Variants in AP3D1 observed in about 807,000 individuals in gnomAD.
AP3D1 encodes adaptor related protein complex 3 subunit delta 1.
A neutral mutation model predicts 147.6 loss-of-function variants in AP3D1; 51 were observed. The ratio of observed to expected loss-of-function variants is 0.35; its 90% CI spans 0.28 to 0.44. The LOEUF is 0.44. Ranked by LOEUF, AP3D1 falls within the 20% of genes least tolerant of loss-of-function variation. The pLI is 1.00. For missense variants in AP3D1, 1,421 were observed against 1,624.2 expected (o/e 0.87, Z 2.15); for synonymous variants, 760 against 663.0 (o/e 1.15, Z -2.25).
Position 2,110,906 on chromosome 19 carries a change from AT to A in AP3D1, c.2986-11del, listed in dbSNP as rs1568276765. The A allele has an allele frequency of 6.2e-7, 1 of 1,611,858 alleles. No individual in the cohort carries two copies. The highest frequency in any genetic ancestry group is 8.5e-7 in the Non-Finnish European group (1 of 1,179,500). On this transcript the variant is annotated splice_polypyrimidine_tract_variant and intron_variant, in intron 26 of 31. Coordinates refer to ENST00000643116, the MANE Select transcript of AP3D1 (RefSeq NM_001261826.3). ...CCCGGATGTCACAGGTCTGCAGGGC[AT>A]GGCCAGTGTTAGCAGGGCAGGCGGG...
Position 2,123,819 on chromosome 19 carries a change from G to A in AP3D1, c.906+11C>T, listed in dbSNP as rs2018676655. The A allele has an allele frequency of 1.3e-6, 2 of 1,566,744 alleles. No individual in the cohort carries two copies. The highest frequency in any genetic ancestry group is 1.7e-6 in the Non-Finnish European group (2 of 1,156,154). On this transcript the variant is annotated intron_variant, in intron 10 of 31. Transcript: ENST00000643116. Reference sequence around the variant, plus strand: ...TGGGACCCCATGGGCCCCGCCCAGTGCGGGACGTACCTGGATGCTGGCGCT... The same window carrying A: ...TGGGACCCCATGGGCCCCGCCCAGTACGGGACGTACCTGGATGCTGGCGCT...
At chr19:2,109,681 G>C (rs1217044115) in intron 29 of AP3D1, 192 bp downstream of exon 29, 3 of 605,438 alleles carry the variant, frequency 5.0e-6, no homozygotes, top group Non-Finnish European at 8.9e-6. Flanking sequence ...TGCCTGGCCT[G>C]TGGCTTCAAC....
chr19:2,127,269 C>T (rs774223029), intron 8 of AP3D1, 68 bp from the exon 9 acceptor site: 32 of 1,561,788 alleles, frequency 2.0e-5, no homozygotes, highest in Middle Eastern at 1.7e-4. Context: ...GACCCAGTGC[C>T]GGCAGCTCAG....
Position 2,151,555 on chromosome 19 carries a change from C to T in AP3D1, c.-221G>A, listed in dbSNP as rs898075091. The T allele has an allele frequency of 1.3e-5, 2 of 159,832 alleles. No homozygotes were observed. Among genetic ancestry groups the T allele is most frequent in the East Asian group, 1.9e-4 (1 of 5,348 alleles). The allele number at this position is 159,832 out of a possible 1,614,324, so 9.9% of individuals were successfully genotyped here. ...CTCCGGGCCCCTTGCAAATGGCGGA[C>T]AAGATGGCGGCGGGTCAGCTGACGA... On this transcript the variant is annotated 5_prime_UTR_variant, in exon 1 of 32. Transcript: ENST00000643116.
chr19:2,148,212 G>A (rs1242611190), intron 1 of AP3D1, among the ~76,000 whole-genome samples: 1 of 151,768 alleles, frequency 6.6e-6, no homozygotes, highest in African/African-American at 2.4e-5. Context: ...AAAAGGACTT[G>A]TGAGAACAAA....
At chr19:2,146,940 G>A (rs1216282088) in intron 1 of AP3D1, among the ~76,000 whole-genome samples, 2 of 152,224 alleles carry the variant, frequency 1.3e-5, no homozygotes, top group Non-Finnish European at 2.9e-5. Flanking sequence ...TCAGCACCCT[G>A]TAGTGCCCAG....
chr19:2,129,065 C>T (rs1568295364), intron 8 of AP3D1, 25 bp downstream of exon 8: 1 of 1,549,886 alleles, frequency 6.5e-7, no homozygotes, highest in Non-Finnish European at 8.7e-7. Flanking sequence ...CCGGCCCGCC[C>T]CCACCGCGCA....
At chr19:2,164,248 T>C in intron 1 of AP3D1, 1 of 1,279,422 alleles carries the variant, frequency 7.8e-7, no homozygotes, top group Non-Finnish European at 9.9e-7. Context: ...CGTCTACCCG[T>C]GGCCGCTGCC....
At position 2,110,903 on chromosome 19, in the gene AP3D1, G is replaced by C. The variant is rs371989768; in HGVS notation, c.2986-7C>G. 3 of 1,612,052 alleles carry C rather than the reference G, an allele frequency of 1.9e-6. No homozygotes were observed. Among genetic ancestry groups the C allele is most frequent in the Non-Finnish European group, 2.5e-6 (3 of 1,179,600 alleles). The stretch of plus-strand genomic sequence containing the variant: ...TGCCCCGGATGTCACAGGTCTGCAG[G>C]GCATGGCCAGTGTTAGCAGGGCAGG... On this transcript the variant is annotated splice_region_variant and splice_polypyrimidine_tract_variant and intron_variant, in intron 26 of 31. Coordinates refer to ENST00000643116, the MANE Select transcript of AP3D1 (RefSeq NM_001261826.3).
At chr19:2,155,061 T>A (rs2019633973), upstream of AP3D1, among the ~76,000 whole-genome samples, 3 of 152,156 alleles carry the variant, frequency 2.0e-5, no homozygotes, top group Middle Eastern at 6.8e-3. Context: ...GCACCTGTAA[T>A]CCCAGCTACT....
In AP3D1 at chr19:2,114,288, C is replaced by G. The variant is rs759230033; in HGVS notation, c.2438G>C (p.Ser813Thr). ...DIDLDKPLAD[S>T]EKLPIQKHRN... ...GTGTTTCTGAATAGGCAGTTTCTCG[C>G]TGTCGGCTAAGGGCCTGGAGGAGGA... Residue 813 changes from serine to threonine, a missense_variant, in exon 22 of 32, where the codon AGC becomes ACC. Ser to Thr is a moderately conservative substitution (Grantham distance 58, BLOSUM62 1). Around this residue, in one of 6 missense-constraint regions of AP3D1, gnomAD observed 791 missense variants for 761.4 expected, o/e 1.04. Coordinates refer to ENST00000643116, the MANE Select transcript of AP3D1 (RefSeq NM_001261826.3). The G allele has an allele frequency of 6.2e-7, 1 of 1,611,608 alleles. No homozygotes were observed. Among genetic ancestry groups the G allele is most frequent in the Non-Finnish European group, 8.5e-7 (1 of 1,179,316 alleles).
rs564141200 is a variant in AP3D1 at position 2,102,641 on chromosome 19, T to C, written c.3553-373A>G. On this transcript the variant is annotated intron_variant, in intron 31 of 31. Transcript: ENST00000643116. The stretch of plus-strand genomic sequence containing the variant: ...TACATGGGAGGCTGAGGCAGGAGAA[T>C]GGCGTGAACCCGGGAGGTGGACCTT... Among the ~76,000 whole-genome samples, 119 of 151,688 alleles carry C rather than the reference T, an allele frequency of 7.8e-4. 1 individual carries two copies. The highest frequency in any genetic ancestry group is 2.8e-3 in the African/African-American group (115 of 41,260).
In AP3D1 at chr19:2,102,254, GA is replaced by G; in HGVS notation, c.3566del (p.Val1189AlafsTer13). On this transcript the variant is annotated frameshift_variant, in exon 32 of 32. Transcript: ENST00000643116. LOFTEE classifies it high-confidence loss of function. The stretch of plus-strand genomic sequence containing the variant: ...AGTCACTGCACTTCCCGTCGACTGA[GA>G]CAGAGTTCTCACCCTGTGTAAGGAA... ...CLLVKKGENSVSVDGKCSDST... is the reference protein window; with the variant it reads ...CLLVKKGENSXSVDGKCSDST... 6.2e-7 allele frequency: 1 copy of G among 1,613,588 alleles called. No individual in the cohort carries two copies. Among genetic ancestry groups the G allele is most frequent in the Non-Finnish European group, 8.5e-7 (1 of 1,179,576 alleles).
intron 1 of AP3D1, among the ~76,000 whole-genome samples, chr19:2,147,202 C>T (rs1383769372): frequency 2.6e-5 from 4 of 151,898 alleles, no homozygotes; most frequent in African/African-American, 7.3e-5. Flanking sequence ...AAAAATTAGC[C>T]GGGGTGGTGG....
At chr19:2,114,437 T>C (rs1417318728) in intron 21 of AP3D1, 135 bp from the exon 22 acceptor site, 12 of 756,280 alleles carry the variant, frequency 1.6e-5, no homozygotes, top group African/African-American at 5.3e-5. Context: ...TGGCCCAACA[T>C]AGATCTACTC....
chr19:2,110,860 G>T lies in AP3D1; in HGVS notation c.3022C>A (p.Gln1008Lys). The change falls in exon 27 of 32, where the codon CAG becomes AAG. Residue 1008 changes from glutamine to lysine, a missense_variant. By Grantham distance (53) the Gln-to-Lys change is moderately conservative (BLOSUM62 1). This residue lies in a region of AP3D1 where 791 missense variants were observed against 761.4 expected (regional missense o/e 1.04). Coordinates refer to ENST00000643116, the MANE Select transcript of AP3D1 (RefSeq NM_001261826.3). ...DIRGSLQEDS[Q>K]VTVAIVLENR... is the part of the protein sequence containing the mutation. ...TCCAGCACGATGGCCACAGTGACCT[G>T]GCTGTCCTCCTGCAGACTGCCCCGG... is the stretch of plus-strand genomic sequence containing the variant. 1 of 1,613,506 alleles carries T rather than the reference G, an allele frequency of 6.2e-7. No homozygotes were observed. The highest frequency in any genetic ancestry group is 8.5e-7 in the Non-Finnish European group (1 of 1,180,004).
At position 2,158,119 on chromosome 19, in the gene AP3D1, G is replaced by T. The variant is rs542499065; in HGVS notation, c.-103+6237C>A. Among the ~76,000 whole-genome samples, 5 of 151,958 alleles carry T rather than the reference G, an allele frequency of 3.3e-5. No individual in the cohort carries two copies. In the East Asian group the frequency reaches 9.7e-4, roughly 29 times the overall value. Reference sequence around the variant, plus strand: ...CGCCCAGGCTGCAGTGCAGTGGTGCGATCTCGGCTCACTGCAAGCTCCACC... The same window carrying T: ...CGCCCAGGCTGCAGTGCAGTGGTGCTATCTCGGCTCACTGCAAGCTCCACC... On this transcript the variant is annotated intron_variant, in intron 1 of 14. Transcript: ENST00000643010.
chr19:2,163,488 G>A (rs1421526558), intron 1 of AP3D1, among the ~76,000 whole-genome samples: 4 of 122,138 alleles, frequency 3.3e-5, no homozygotes, highest in African/African-American at 6.0e-5. Context: ...CACCGCGCCT[G>A]GCCTTTTTTT....
intron 1 of AP3D1, among the ~76,000 whole-genome samples, chr19:2,148,036 T>C (rs1443486920): frequency 6.9e-6 from 1 of 145,716 alleles, no homozygotes; most frequent in Admixed American, 6.9e-5. Flanking sequence ...ACGGGCGTGG[T>C]GGCGGGAGGC....
Sources: gnomAD v4.1 joint callset for allele counts (sites outside exome capture counted in the v4.1 genomes callset) on GRCh38, gnomAD v4.1.1 for gene constraint, gnomAD v4.1.1 regional missense constraint, MANE v1.5 for transcripts, NCBI Gene and HGNC (gene_info 2026-07-23, HGNC 2026-07-21) for gene names.